Variants in RNF17 observed in about 807,000 individuals in gnomAD.
The protein encoded by RNF17 is spermatogenesis associated 23.
RNF17 carries 31 observed loss-of-function variants against 200.5 expected under a neutral mutation model. The observed-to-expected ratio is 0.15, with a 90% CI of 0.12 to 0.21. The LOEUF (loss-of-function observed/expected upper bound fraction) is 0.21. Among genes scored for constraint, RNF17 ranks in the 10% least tolerant of loss-of-function variants. RNF17 has a pLI of 1.00. For missense variants in RNF17, 1,628 were observed against 1,905.1 expected (o/e 0.85, Z 2.71); for synonymous variants, 606 against 637.8 (o/e 0.95, Z 0.75).
chr13:24,844,952 T>C lies in RNF17; in HGVS notation c.2983-9T>C, dbSNP rs1365582213. ...TTTGTCTGTAGACTTAAAGTTATTATTTTCTTAGGTCTTGCTGTATGATGT... is the reference window on the plus strand; with the variant it reads ...TTTGTCTGTAGACTTAAAGTTATTACTTTCTTAGGTCTTGCTGTATGATGT... On this transcript the variant is annotated splice_polypyrimidine_tract_variant and intron_variant, in intron 21 of 35. Coordinates refer to ENST00000255324, the MANE Select transcript of RNF17 (RefSeq NM_031277.3). 6.3e-7 allele frequency: 1 copy of C among 1,580,874 alleles called. No homozygotes were observed. Among genetic ancestry groups the C allele is most frequent in the African/African-American group, 1.4e-5 (1 of 74,028 alleles).
intron 18 of RNF17, among the ~76,000 whole-genome samples, chr13:24,834,298 C>T (rs1889729637): frequency 6.6e-6 from 1 of 152,062 alleles, no homozygotes; most frequent in Non-Finnish European, 1.5e-5. Flanking sequence ...ACCTGTTACT[C>T]CCAGCTACTT....
chr13:24,873,373 T>G (rs1383714793), intron 32 of RNF17, among the ~76,000 whole-genome samples: 1 of 152,238 alleles, frequency 6.6e-6, no homozygotes, highest in Non-Finnish European at 1.5e-5. Flanking sequence ...GTTCAATATT[T>G]AATTCTGGAT....
the RNF17 span, chr13:24,885,597 G>C: frequency 2.5e-6 from 4 of 1,591,842 alleles, no homozygotes; most frequent in Non-Finnish European, 8.6e-7. Flanking sequence ...TATAAAAACA[G>C]AGATTTACTT....
At chr13:24,856,311 T>A (rs1457726466) in intron 25 of RNF17, among the ~76,000 whole-genome samples, 1 of 150,798 alleles carries the variant, frequency 6.6e-6, no homozygotes, top group African/African-American at 2.4e-5. Context: ...TCCCAGCTAC[T>A]CAGGAGGCTG....
intron 2 of RNF17, among the ~76,000 whole-genome samples, chr13:24,772,791 T>C (rs775617910): frequency 7.2e-5 from 11 of 152,030 alleles, no homozygotes; most frequent in Non-Finnish European, 1.5e-4. Flanking sequence ...TTTGTATTTT[T>C]AGTAGAGACG....
intron 33 of RNF17, among the ~76,000 whole-genome samples, chr13:24,876,451 T>C (rs973538804): frequency 1.3e-5 from 2 of 152,236 alleles, no homozygotes; most frequent in Non-Finnish European, 2.9e-5. Context: ...TACCCAGAAA[T>C]GGAACTGCTG....
At chr13:24,787,003 T>G (rs1206001196) in intron 6 of RNF17, among the ~76,000 whole-genome samples, 2 of 152,160 alleles carry the variant, frequency 1.3e-5, no homozygotes, top group Non-Finnish European at 2.9e-5. Context: ...TTACTTCTCT[T>G]CATTGTTGTT....
At chr13:24,860,141 G>A (rs77737946) in intron 26 of RNF17, among the ~76,000 whole-genome samples, 9,254 of 151,420 alleles carry the variant, frequency 0.061, 413 homozygotes, top group East Asian at 0.16. Flanking sequence ...CAACTTGAAT[G>A]TATGTGCAAA....
upstream of RNF17, among the ~76,000 whole-genome samples, chr13:24,763,148 T>G (rs551921605): frequency 1.3e-5 from 2 of 152,264 alleles, no homozygotes; most frequent in African/African-American, 4.8e-5. Flanking sequence ...TAGACCATAT[T>G]GACTTCATTT....
At chr13:24,765,560 G>A (rs1378496402) in intron 1 of RNF17, among the ~76,000 whole-genome samples, 3 of 152,138 alleles carry the variant, frequency 2.0e-5, no homozygotes, top group African/African-American at 7.2e-5. Context: ...CTCCTACTTG[G>A]GGTTTAGATC....
At chr13:24,814,897 A>G (rs918681483) in intron 15 of RNF17, among the ~76,000 whole-genome samples, 20 of 152,226 alleles carry the variant, frequency 1.3e-4, no homozygotes, top group African/African-American at 4.6e-4. Context: ...ATATAGTATG[A>G]TATTGAGTAT....
rs1459991939 is a variant in RNF17 at position 24,854,117 on chromosome 13, A to G, written c.3583A>G (p.Thr1195Ala). The change falls in exon 25 of 36, where the codon ACT (threonine) becomes GCT (alanine). Residue 1195 changes from threonine to alanine, a missense_variant. Transcript: ENST00000255324. ...ATVSCVGDDG[T>A]IFVVPKLSEF... The stretch of plus-strand genomic sequence containing the variant: ...AGTCAGCTGTGTTGGTGATGATGGA[A>G]CTATATTTGTAGTACCTAAACTATC... 1 of 1,613,680 alleles carries G rather than the reference A, an allele frequency of 6.2e-7. No homozygotes were observed.
intron 18 of RNF17, among the ~76,000 whole-genome samples, chr13:24,839,077 T>G (rs916089544): frequency 5.3e-5 from 8 of 151,648 alleles, no homozygotes; most frequent in African/African-American, 1.9e-4. Context: ...TTACAATAGC[T>G]GCAAAAAAAT....
Position 24,874,240 on chromosome 13 carries a change from C to T in RNF17, c.4574C>T (p.Thr1525Ile), listed in dbSNP as rs769765203. The change falls in exon 33 of 36, where the codon ACA (threonine) becomes ATA (isoleucine). Residue 1525 changes from threonine (T) to isoleucine (I), a missense_variant. This residue lies in a region of RNF17 where 609 missense variants were observed against 681.9 expected (regional missense o/e 0.89). Transcript: ENST00000255324. Reference protein sequence around the residue: ...FVDYGSTAKLTLNRLCQIPSH... With the variant: ...FVDYGSTAKLILNRLCQIPSH... Reference sequence around the variant, plus strand: ...GATTATGGATCAACTGCAAAGCTGACATTAAACAGGTTAAAAATAAATGTC... The same window carrying T: ...GATTATGGATCAACTGCAAAGCTGATATTAAACAGGTTAAAAATAAATGTC... 1.9e-6 allele frequency: 3 copies of T among 1,584,228 alleles called. No individual in the cohort carries two copies. Among genetic ancestry groups the T allele is most frequent in the African/African-American group, 2.7e-5 (2 of 72,950 alleles).
At chr13:24,864,461 A>G (rs531637185) in intron 28 of RNF17, among the ~76,000 whole-genome samples, 37 of 152,308 alleles carry the variant, frequency 2.4e-4, no homozygotes, top group African/African-American at 7.5e-4. Context: ...AGTTACCATG[A>G]TTCCTGCTTT....
At chr13:24,774,943 A>G (rs377121925) in intron 3 of RNF17, 39 bp downstream of exon 3, 17 of 1,256,856 alleles carry the variant, frequency 1.4e-5, no homozygotes, top group Admixed American at 1.8e-5. Context: ...TTTAAAGTCA[A>G]TGTGTTACTG....
the RNF17 span, chr13:24,885,568 A>G: frequency 7.0e-7 from 1 of 1,433,104 alleles, no homozygotes; most frequent in Non-Finnish European, 9.8e-7. Flanking sequence ...AAGCCTAAGT[A>G]ATGTATGTTT....
At chr13:24,782,097 G>A (rs993057591) in intron 6 of RNF17, among the ~76,000 whole-genome samples, 153 bp downstream of exon 6, 2 of 152,166 alleles carry the variant, frequency 1.3e-5, no homozygotes, top group African/African-American at 2.4e-5. Flanking sequence ...AGTCCCTACA[G>A]ACTGATCTTT....
At chr13:24,870,861 T>C (rs954255303) in intron 32 of RNF17, 122 bp downstream of exon 32, 12 of 656,080 alleles carry the variant, frequency 1.8e-5, no homozygotes, top group Non-Finnish European at 2.7e-5. Flanking sequence ...TTTACATGCA[T>C]GATTTCCTGT....
Sources: allele counts gnomAD v4.1 joint callset (sites outside exome capture counted in the v4.1 genomes callset), GRCh38; gene constraint gnomAD v4.1.1; regional missense constraint gnomAD v4.1.1; transcripts MANE v1.5; gene names NCBI Gene and HGNC (gene_info 2026-07-23, HGNC 2026-07-21).